SBF2: variants seen among roughly 807,000 people sequenced by gnomAD.
SBF2 encodes myotubularin-related protein 13.
A neutral mutation model predicts 225.2 loss-of-function variants in SBF2; 112 were observed. The ratio of observed to expected loss-of-function variants is 0.50; its 90% confidence interval spans 0.43 to 0.58. The LOEUF (loss-of-function observed/expected upper bound fraction) is 0.58, where lower values mean the gene tolerates loss of function less well. Among genes scored for constraint, SBF2 ranks in the 20% least tolerant of loss-of-function variants. The pLI, the probability that SBF2 is intolerant of heterozygous loss-of-function variation, is 0.00. For synonymous variants in SBF2, 763 were observed against 773.3 expected (o/e 0.99, Z 0.22); for missense variants, 1,996 against 2,206.2 (o/e 0.90, Z 1.91).
chr11:9,962,786 A>C (rs1866661277), intron 15 of SBF2, among the ~76,000 whole-genome samples: 1 of 152,222 alleles, frequency 6.6e-6, no homozygotes, highest in Admixed American at 6.5e-5. Context: ...CTAAAAAATC[A>C]GAACAAAGGA....
At chr11:10,141,863 A>T (rs1385049127) in intron 2 of SBF2, among the ~76,000 whole-genome samples, 1 of 152,174 alleles carries the variant, frequency 6.6e-6, no homozygotes, top group South Asian at 2.1e-4. Context: ...CTATGCCAGA[A>T]AATTTCTGAG....
chr11:10,209,624 C>G (rs1339585583), intron 1 of SBF2, among the ~76,000 whole-genome samples: 1 of 151,958 alleles, frequency 6.6e-6, no homozygotes, highest in African/African-American at 2.4e-5. Flanking sequence ...TTAAGCATTT[C>G]CATAAACACA....
intron 16 of SBF2, among the ~76,000 whole-genome samples, chr11:9,938,093 C>T (rs892253632): frequency 1.3e-5 from 2 of 151,988 alleles, no homozygotes; most frequent in Admixed American, 6.6e-5. Flanking sequence ...AGATCGAGAC[C>T]ATCCTGGTTA....
intron 6 of SBF2, among the ~76,000 whole-genome samples, chr11:10,013,718 T>C (rs1219109770): frequency 2.6e-5 from 4 of 152,216 alleles, no homozygotes; most frequent in Non-Finnish European, 5.9e-5. Flanking sequence ...AAATATCTCA[T>C]CTCTCACCAA....
intron 2 of SBF2, among the ~76,000 whole-genome samples, chr11:10,070,446 T>C (rs933470144): frequency 6.6e-6 from 1 of 152,224 alleles, no homozygotes; most frequent in Non-Finnish European, 1.5e-5. Flanking sequence ...TTTTGCCAGG[T>C]TTGTCACAGA....
chr11:10,107,285 G>C lies in SBF2; in HGVS notation c.142-64304C>G, dbSNP rs527929984. 7.2e-5 allele frequency among the ~76,000 whole-genome samples: 11 copies of C among 152,250 alleles called. No individual in the cohort carries two copies. In the South Asian group the frequency reaches 2.1e-3, roughly 29 times the overall value. The stretch of plus-strand genomic sequence containing the variant: ...CCGAACATTCATCAACAGGTGAACA[G>C]ATAAAGTGTGGCATATACATATAAA... On this transcript the variant is annotated intron_variant, in intron 2 of 39. Transcript: ENST00000256190.
chr11:9,798,985 A>G (rs1043174621), intron 32 of SBF2, among the ~76,000 whole-genome samples: 1 of 151,932 alleles, frequency 6.6e-6, no homozygotes, highest in Non-Finnish European at 1.5e-5. Flanking sequence ...AAACAAACAA[A>G]AAACTGTATT....
At chr11:9,886,863 T>C (rs1860363331) in intron 17 of SBF2, among the ~76,000 whole-genome samples, 1 of 152,186 alleles carries the variant, frequency 6.6e-6, no homozygotes, top group Non-Finnish European at 1.5e-5. Flanking sequence ...ATTCTTACAG[T>C]ACTTAGATTG....
intron 16 of SBF2, among the ~76,000 whole-genome samples, chr11:9,941,267 A>G (rs1865234458): frequency 6.6e-6 from 1 of 152,172 alleles, no homozygotes; most frequent in African/African-American, 2.4e-5. Flanking sequence ...GTAAGCTATG[A>G]TTCCCACCCC....
At chr11:10,226,068 T>C (rs540071291) in intron 1 of SBF2, among the ~76,000 whole-genome samples, 1 of 152,330 alleles carries the variant, frequency 6.6e-6, no homozygotes, top group South Asian at 2.1e-4. Context: ...AAATGACCTA[T>C]GTGTCATTTG....
In SBF2 at chr11:9,839,631, G is replaced by C. The variant is rs1855969532; in HGVS notation, c.3322C>G (p.Gln1108Glu). 1.9e-6 allele frequency: 3 copies of C among 1,614,154 alleles called. No homozygotes were observed. Among genetic ancestry groups the C allele is most frequent in the African/African-American group, 1.3e-5 (1 of 75,046 alleles). ...CTGAAACAAGCTTTTTCCACCAACTGTTCCATTGTAGACTTCTCGGAGGCC... is the reference window on the plus strand; with the variant it reads ...CTGAAACAAGCTTTTTCCACCAACTCTTCCATTGTAGACTTCTCGGAGGCC... ...LKASEKSTME[Q>E]LVEKACFRDY... Residue 1108 changes from glutamine to glutamate, a missense_variant, in exon 26 of 40, where the codon CAG (glutamine) becomes GAG (glutamate). Coordinates refer to ENST00000256190, the MANE Select transcript of SBF2 (RefSeq NM_030962.4).
chr11:10,083,173 C>T (rs190518686), intron 2 of SBF2, among the ~76,000 whole-genome samples: 10 of 152,018 alleles, frequency 6.6e-5, no homozygotes, highest in East Asian at 1.9e-4. Flanking sequence ...ATACAGTTAA[C>T]GAAGGAGGTG....
chr11:10,194,840 G>A (rs1957303228), intron 1 of SBF2, among the ~76,000 whole-genome samples: 2 of 151,652 alleles, frequency 1.3e-5, no homozygotes. Context: ...TGATACGTAT[G>A]AAAAGCTAAA....
chr11:10,211,033 A>AAAAAAAAAC (rs1286359665), intron 1 of SBF2, among the ~76,000 whole-genome samples: 1 of 149,834 alleles, frequency 6.7e-6, no homozygotes, highest in East Asian at 1.9e-4. Context: ...AAAAAAAAAA[A>AAAAAAAAAC]AAGAGCCTCT....
At chr11:10,078,429 C>T (rs1951217661) in intron 2 of SBF2, among the ~76,000 whole-genome samples, 1 of 152,158 alleles carries the variant, frequency 6.6e-6, no homozygotes, top group South Asian at 2.1e-4. Context: ...CACATATACA[C>T]CATGGAATAC....
At chr11:9,936,308 T>C (rs1056422844) in intron 16 of SBF2, among the ~76,000 whole-genome samples, 3 of 152,196 alleles carry the variant, frequency 2.0e-5, no homozygotes, top group Non-Finnish European at 4.4e-5. Flanking sequence ...AAACAACAGA[T>C]GCTGGAGCGG....
intron 1 of SBF2, among the ~76,000 whole-genome samples, chr11:10,220,289 C>CG (rs1958294365): frequency 6.6e-6 from 1 of 152,168 alleles, no homozygotes; most frequent in Admixed American, 6.5e-5. Context: ...GACCCACCCT[C>CG]GCCCCACCAG....
In SBF2 at chr11:9,904,233, G is replaced by T. The variant is rs146128459; in HGVS notation, c.1861-8222C>A. On this transcript the variant is annotated intron_variant, in intron 16 of 39. Coordinates refer to ENST00000256190, the MANE Select transcript of SBF2 (RefSeq NM_030962.4). ...AACATATATATATATAAAACTTAAG[G>T]ATACACGAAATTTAAAGGATGAAAA... Among the ~76,000 whole-genome samples, 64 of 151,790 alleles carry T rather than the reference G, an allele frequency of 4.2e-4. 1 individual carries two copies. In the East Asian group the frequency reaches 0.011, roughly 26 times the overall value.
At chr11:10,296,324 A>G (rs186895133), upstream of SBF2, among the ~76,000 whole-genome samples, 5 of 152,310 alleles carry the variant, frequency 3.3e-5, no homozygotes, top group East Asian at 7.7e-4. Context: ...GACATACCCG[A>G]GACTAGGTAA....
Sources: allele counts gnomAD v4.1 joint callset (sites outside exome capture counted in the v4.1 genomes callset), GRCh38; gene constraint gnomAD v4.1.1; transcripts MANE v1.5; gene names NCBI Gene and HGNC (gene_info 2026-07-23, HGNC 2026-07-21).